The following OCIAD1 variants were observed in gnomAD, a reference collection of about 807,000 sequenced individuals.
OCIAD1 encodes the protein OCIA domain containing 1, also known as OCIA domain-containing protein 1.
OCIAD1 carries 29 observed loss-of-function variants against 38.9 expected under a neutral mutation model. The observed-to-expected ratio is 0.74, with a 90% CI of 0.55 to 1.02. The LOEUF (loss-of-function observed/expected upper bound fraction) is 1.02, where lower values mean the gene tolerates loss of function less well. OCIAD1 is among the 50% of genes least tolerant of loss of function. The pLI, the probability that OCIAD1 is intolerant of heterozygous loss-of-function variation, is 0.00. For missense variants in OCIAD1, 288 were observed against 289.6 expected, an observed-to-expected ratio of 0.99 and a Z score of 0.04; for synonymous variants, 110 against 92.0, an observed-to-expected ratio of 1.20 and a Z score of -1.12.
At chr4:48,823,897 C>T (rs1777222098) in intron 1 of OCIAD1, among the ~76,000 whole-genome samples, 1 of 127,428 alleles carries the variant, frequency 7.8e-6, no homozygotes. Context: ...AAACTCCTGG[C>T]CTCATGTGAT....
intron 4 of OCIAD1, among the ~76,000 whole-genome samples, chr4:48,842,909 C>T (rs771439549): frequency 6.6e-6 from 1 of 152,086 alleles, no homozygotes; most frequent in Non-Finnish European, 1.5e-5. Flanking sequence ...TAACAATCTG[C>T]AAGAGCAAGA....
intron 4 of OCIAD1, among the ~76,000 whole-genome samples, chr4:48,842,992 G>A (rs1483057055): frequency 6.6e-6 from 1 of 152,144 alleles, no homozygotes; most frequent in Admixed American, 6.5e-5. Context: ...TTGCCTAGGA[G>A]CTTGTTAGAA....
chr4:48,852,875 G>GTT (rs770694566), intron 7 of OCIAD1, among the ~76,000 whole-genome samples: 1 of 69,126 alleles, frequency 1.4e-5, no homozygotes, highest in African/African-American at 7.0e-5. Context: ...GTTTTTTTTT[G>GTT]TTTTTTGTTT....
Position 48,832,631 on chromosome 4 carries a change from G to A in OCIAD1, c.7G>A (p.Gly3Arg), listed in dbSNP as rs759763166. 6.2e-7 allele frequency: 1 copy of A among 1,612,324 alleles called. No individual in the cohort carries two copies. Among genetic ancestry groups the A allele is most frequent in the Non-Finnish European group, 8.5e-7 (1 of 1,178,428 alleles). MN[G>R]RADFREPNAE... The stretch of plus-strand genomic sequence containing the variant: ...TGTTTTTGATACAGGAAAGATGAAT[G>A]GGAGGGCTGATTTTCGAGAGCCGAA... The change falls in exon 2 of 9, where the codon GGG becomes AGG. Residue 3 changes from glycine to arginine, a missense_variant. Coordinates refer to ENST00000264312, the MANE Select transcript of OCIAD1 (RefSeq NM_017830.4).
upstream of OCIAD1, among the ~76,000 whole-genome samples, chr4:48,828,748 G>A (rs1380120964): frequency 6.6e-6 from 1 of 152,136 alleles, no homozygotes; most frequent in Non-Finnish European, 1.5e-5. Flanking sequence ...AATAAACTCC[G>A]AGCATGTCCG....
At chr4:48,849,560 T>C (rs1779248087) in intron 5 of OCIAD1, among the ~76,000 whole-genome samples, 1 of 152,172 alleles carries the variant, frequency 6.6e-6, no homozygotes, top group African/African-American at 2.4e-5. Context: ...ATGGCCTAAA[T>C]CCTTGTGATC....
chr4:48,845,993 A>T (rs1467733131), intron 4 of OCIAD1, among the ~76,000 whole-genome samples: 1 of 152,232 alleles, frequency 6.6e-6, no homozygotes, highest in African/African-American at 2.4e-5. Context: ...GGACATACAT[A>T]GTGCACATAG....
At chr4:48,819,737 AAAAAAAAG>A (rs1777174356) in intron 1 of OCIAD1, among the ~76,000 whole-genome samples, 1 of 146,202 alleles carries the variant, frequency 6.8e-6, no homozygotes, top group Non-Finnish European at 1.5e-5. Context: ...AAAAAAAAAA[AAAAAAAAG>A]GAGGGGTTGC....
chr4:48,828,243 A>G (rs1454348338), upstream of OCIAD1, among the ~76,000 whole-genome samples: 12 of 145,892 alleles, frequency 8.2e-5, no homozygotes, highest in Non-Finnish European at 1.7e-4. Flanking sequence ...TGTCTAGCTA[A>G]AGGATTGTAA....
chr4:48,813,959 T>C (rs1777116884), intron 1 of OCIAD1, among the ~76,000 whole-genome samples: 2 of 152,200 alleles, frequency 1.3e-5, no homozygotes, highest in Non-Finnish European at 2.9e-5. Flanking sequence ...GAAGTTACTA[T>C]TAATAAATAA....
At chr4:48,827,259 T>C (rs946271755), upstream of OCIAD1, among the ~76,000 whole-genome samples, 23 of 152,268 alleles carry the variant, frequency 1.5e-4, no homozygotes, top group African/African-American at 5.3e-4. Context: ...ATTGATTTCA[T>C]TTATATACAT....
chr4:48,810,890 CTTTCTTT>C lies in OCIAD1; in HGVS notation c.-103+5564_-103+5570del, dbSNP rs1403123988. The stretch of plus-strand genomic sequence containing the variant: ...TTGCAATTTTCTTTTTTCTTTCTTT[CTTTCTTT>C]TTTTTTTTTTTTTTTTGAGACGGAG... On this transcript the variant is annotated intron_variant, in intron 1 of 6. Coordinates refer to the OCIAD1 transcript ENST00000504654. 6.4e-4 allele frequency among the ~76,000 whole-genome samples: 40 copies of C among 62,624 alleles called. No homozygotes were observed. In the South Asian group the frequency reaches 0.016, roughly 25 times the overall value. 41.1% of individuals were successfully genotyped at this position (62,624 alleles called of 152,430 possible).
chr4:48,843,498 A>G (rs1208251595), intron 4 of OCIAD1, among the ~76,000 whole-genome samples: 1 of 152,200 alleles, frequency 6.6e-6, no homozygotes. Context: ...TATGGTACTT[A>G]GTTTTGACAC....
intron 1 of OCIAD1, 121 bp from the exon 2 acceptor site, chr4:48,832,499 A>G (rs1453324301): frequency 4.0e-6 from 3 of 747,042 alleles, no homozygotes; most frequent in South Asian, 3.1e-5. Flanking sequence ...GTAGTGTTTA[A>G]TAAATATTTG....
chr4:48,807,685 A>G (rs1355401552), intron 1 of OCIAD1, among the ~76,000 whole-genome samples: 1 of 152,190 alleles, frequency 6.6e-6, no homozygotes, highest in African/African-American at 2.4e-5. Flanking sequence ...AAGCAAAATC[A>G]ACTGAGAGCA....
At chr4:48,842,879 TC>T (rs1357845572) in intron 4 of OCIAD1, among the ~76,000 whole-genome samples, 190 bp downstream of exon 4, 1 of 152,218 alleles carries the variant, frequency 6.6e-6, no homozygotes, top group Non-Finnish European at 1.5e-5. Context: ...TGAGAATTTC[TC>T]CTGCACTAAT....
Position 48,832,632 on chromosome 4 carries a change from G to A in OCIAD1, c.8G>A (p.Gly3Glu), listed in dbSNP as rs1404310631. MNGRADFREPNAE... is the reference protein window; with the variant it reads MNERADFREPNAE... ...GTTTTTGATACAGGAAAGATGAATG[G>A]GAGGGCTGATTTTCGAGAGCCGAAT... Residue 3 changes from glycine (G) to glutamate (E), a missense_variant, in exon 2 of 9, where the codon GGG becomes GAG. By Grantham distance (98) the Gly-to-Glu change is moderately conservative. Coordinates refer to ENST00000264312, the MANE Select transcript of OCIAD1 (RefSeq NM_017830.4). The A allele has an allele frequency of 6.2e-7, 1 of 1,612,512 alleles. No individual in the cohort carries two copies.
chr4:48,809,163 A>G (rs1431598306), intron 1 of OCIAD1, among the ~76,000 whole-genome samples: 5 of 152,170 alleles, frequency 3.3e-5, no homozygotes, highest in Non-Finnish European at 7.3e-5. Context: ...TCTACAATTC[A>G]AACCTTATTT....
chr4:48,814,574 C>A (rs1043056107), intron 1 of OCIAD1, among the ~76,000 whole-genome samples: 4 of 152,070 alleles, frequency 2.6e-5, no homozygotes, highest in Non-Finnish European at 5.9e-5. Flanking sequence ...GCCCTATTTT[C>A]CCCTTAAAAA....
Sources: allele counts gnomAD v4.1 joint callset (sites outside exome capture counted in the v4.1 genomes callset), GRCh38; gene constraint gnomAD v4.1.1; transcripts MANE v1.5; gene names NCBI Gene and HGNC (gene_info 2026-07-23, HGNC 2026-07-21).